The following ANKRD50 variants were observed in gnomAD, a reference collection of about 807,000 sequenced individuals.
ANKRD50 encodes the protein ankyrin repeat domain 50.
A neutral mutation model predicts 112.0 loss-of-function variants in ANKRD50; 40 were observed. The ratio of observed to expected loss-of-function variants is 0.36; its 90% CI spans 0.28 to 0.46. ANKRD50 has a LOEUF of 0.46. Among genes scored for constraint, ANKRD50 ranks in the 20% least tolerant of loss-of-function variants. The probability of loss-of-function intolerance (pLI) is 1.00; values close to 1 mark genes in which losing one functional copy is unlikely to be tolerated. For missense variants in ANKRD50, 1,487 were observed against 1,701.7 expected (o/e 0.87, Z 2.22); for synonymous variants, 613 against 619.1 (o/e 0.99, Z 0.15).
At chr4:124,706,867 T>C (rs1373925724) in intron 2 of ANKRD50, among the ~76,000 whole-genome samples, 1 of 152,130 alleles carries the variant, frequency 6.6e-6, no homozygotes, top group Non-Finnish European at 1.5e-5. Flanking sequence ...AAGTTTATTT[T>C]ATAATGAAGT....
At position 124,670,667 on chromosome 4, in the gene ANKRD50, AC is replaced by A. The variant is rs1249801768; in HGVS notation, c.2609del (p.Gly870ValfsTer17). 6.2e-7 allele frequency: 1 copy of A among 1,613,162 alleles called. No homozygotes were observed. Among genetic ancestry groups the A allele is most frequent in the Non-Finnish European group, 8.5e-7 (1 of 1,179,766 alleles). ...RLICEALIEQ[G>X]ARTNEIDNDG... The stretch of plus-strand genomic sequence containing the variant: ...CATTGTCAATCTCATTTGTTCTAGC[AC>A]CTTGTTCAATAAGTGCTTCACATAT... On this transcript the variant is annotated frameshift_variant, in exon 4 of 5. Transcript: ENST00000504087. LOFTEE classifies it high-confidence loss of function.
At chr4:124,691,602 G>A (rs1295714214) in intron 2 of ANKRD50, among the ~76,000 whole-genome samples, 4 of 150,608 alleles carry the variant, frequency 2.7e-5, no homozygotes, top group East Asian at 1.9e-4. Flanking sequence ...TATGATCAGC[G>A]TAACATTAGT....
chr4:124,710,651 C>T lies in ANKRD50; in HGVS notation c.-140G>A. On this transcript the variant is annotated 5_prime_UTR_variant, in exon 2 of 5. Coordinates refer to ENST00000504087, the MANE Select transcript of ANKRD50 (RefSeq NM_020337.3). ...AGTAAAATTCAACAGCCACAGAGTT[C>T]CTCTGTCAACAGAACGTGCATGACT... The T allele has an allele frequency of 1.0e-6, 1 of 986,930 alleles. No individual in the cohort carries two copies. The highest frequency in any genetic ancestry group is 1.5e-6 in the Non-Finnish European group (1 of 668,242). The allele number at this position is 986,930 out of a possible 1,614,324, so 61.1% of individuals were successfully genotyped here.
intron 2 of ANKRD50, among the ~76,000 whole-genome samples, chr4:124,696,107 C>G (rs1392022019): frequency 2.0e-5 from 3 of 151,708 alleles, no homozygotes; most frequent in African/African-American, 7.3e-5. Context: ...CTAAAATAAC[C>G]ATGACTAATA....
At position 124,669,843 on chromosome 4, in the gene ANKRD50, T is replaced by A; in HGVS notation, c.3434A>T (p.Asp1145Val). ...SNSSGSTGGG[D>V]MQPSLRGLPN... is the part of the protein sequence containing the mutation. Reference sequence around the variant, plus strand: ...TAAACCACGTAACGAAGGCTGCATATCCCCTCCACCAGTACTACCAGAGCT... The same window carrying A: ...TAAACCACGTAACGAAGGCTGCATAACCCCTCCACCAGTACTACCAGAGCT... The change falls in exon 4 of 5, where the codon GAT becomes GTT. Residue 1145 changes from aspartate to valine, a missense_variant. Physicochemically the swap from Asp to Val is radical, Grantham distance 152 (BLOSUM62 -3). Transcript: ENST00000504087. The A allele has an allele frequency of 6.2e-7, 1 of 1,612,750 alleles. No homozygotes were observed. The highest frequency in any genetic ancestry group is 1.1e-5 in the South Asian group (1 of 90,774).
chr4:124,711,846 C>A (rs1207345918), intron 1 of ANKRD50, among the ~76,000 whole-genome samples: 1 of 152,096 alleles, frequency 6.6e-6, no homozygotes, highest in Non-Finnish European at 1.5e-5. Flanking sequence ...TCCTTCCTTC[C>A]TCTGGGCCAA....
Position 124,671,472 on chromosome 4 carries a change from G to A in ANKRD50, c.1805C>T (p.Ala602Val). 1 of 1,613,680 alleles carries A rather than the reference G, an allele frequency of 6.2e-7. No individual in the cohort carries two copies. Among genetic ancestry groups the A allele is most frequent in the Non-Finnish European group, 8.5e-7 (1 of 1,179,816 alleles). ...ATCTTGATCAGTATGATTAATATTT[G>A]CTCCACACCCAATCAAACAATTAAC... ...KVVNCLIGCG[A>V]NINHTDQDGW... Residue 602 changes from alanine to valine, a missense_variant, in exon 4 of 5, where the codon GCA becomes GTA. Ala to Val is a moderately conservative substitution (Grantham distance 64, BLOSUM62 0). This residue lies in a region of ANKRD50 where 1,046 missense variants were observed against 1,269.5 expected (regional missense o/e 0.82). Coordinates refer to ENST00000504087, the MANE Select transcript of ANKRD50 (RefSeq NM_020337.3).
At position 124,672,130 on chromosome 4, in the gene ANKRD50, C is replaced by G. The variant is rs771062034; in HGVS notation, c.1147G>C (p.Glu383Gln). Residue 383 changes from glutamate to glutamine, a missense_variant, in exon 4 of 5, where the codon GAA (glutamate) becomes CAA (glutamine). Glu to Gln is a conservative substitution (Grantham distance 29, BLOSUM62 2). This residue lies in a region of ANKRD50 where 1,046 missense variants were observed against 1,269.5 expected (regional missense o/e 0.82). Transcript: ENST00000504087. ...ATATCTAACTTGCGTTGAAAATCTTCCAAAGTTAACGACATGTTTTTGGTC... is the reference window on the plus strand; with the variant it reads ...ATATCTAACTTGCGTTGAAAATCTTGCAAAGTTAACGACATGTTTTTGGTC... ...VWTKNMSLTLEDFQRKLDILS... is the reference protein window; with the variant it reads ...VWTKNMSLTLQDFQRKLDILS... 1.9e-6 allele frequency: 3 copies of G among 1,613,706 alleles called. No individual in the cohort carries two copies. In the East Asian group the frequency reaches 6.7e-5, roughly 36 times the overall value.
intron 2 of ANKRD50, among the ~76,000 whole-genome samples, chr4:124,706,518 A>T (rs1725505995): frequency 6.6e-6 from 1 of 152,082 alleles, no homozygotes; most frequent in Non-Finnish European, 1.5e-5. Flanking sequence ...AATTAAAGAA[A>T]GCTAAGAAGC....
chr4:124,678,550 C>T, intron 3 of ANKRD50, 126 bp downstream of exon 3: 1 of 797,496 alleles, frequency 1.3e-6, no homozygotes, highest in South Asian at 1.8e-5. Flanking sequence ...TCAAAACGCA[C>T]AATTGAGAAT....
chr4:124,710,067 C>G lies in ANKRD50; in HGVS notation c.445G>C (p.Asp149His), dbSNP rs1255606019. ...TGTAAGAGGCTTTGGACTGCTGGAT[C>G]CCTTAGCTTGTCCTCATATCCTTGG... ...LLQGYEDKLR[D>H]PAVQSLLQPG... The change falls in exon 2 of 5, where the codon GAT becomes CAT. Residue 149 changes from aspartate (D) to histidine (H), a missense_variant. Transcript: ENST00000504087. 6.2e-7 allele frequency: 1 copy of G among 1,614,162 alleles called. No homozygotes were observed. The highest frequency in any genetic ancestry group is 8.5e-7 in the Non-Finnish European group (1 of 1,180,040).
At position 124,671,480 on chromosome 4, in the gene ANKRD50, C is replaced by A. The variant is rs774435001; in HGVS notation, c.1797G>T (p.Gly599=). The A allele has an allele frequency of 1.9e-6, 3 of 1,613,750 alleles. No homozygotes were observed. In the South Asian group the frequency reaches 3.3e-5, roughly 18 times the overall value. The stretch of plus-strand genomic sequence containing the variant: ...CAGTATGATTAATATTTGCTCCACA[C>A]CCAATCAAACAATTAACCACCTTGG... The part of the protein sequence containing the change: ...GHTKVVNCLI[G]CGANINHTDQ... Residue 599 remains glycine, a synonymous_variant, in exon 4 of 5, where the codon GGG becomes GGT. Transcript: ENST00000504087.
At chr4:124,690,941 A>G (rs544848116) in intron 2 of ANKRD50, among the ~76,000 whole-genome samples, 5 of 152,312 alleles carry the variant, frequency 3.3e-5, no homozygotes, top group Non-Finnish European at 7.4e-5. Flanking sequence ...TATACTTTCT[A>G]TTAAATAGTA....
chr4:124,697,775 G>A (rs1163164147), intron 2 of ANKRD50, among the ~76,000 whole-genome samples: 1 of 152,204 alleles, frequency 6.6e-6, no homozygotes, highest in Non-Finnish European at 1.5e-5. Flanking sequence ...AGAAAAAGTT[G>A]CTGGTATAAG....
In ANKRD50 at chr4:124,710,479, T is replaced by C. The variant is rs747719196; in HGVS notation, c.33A>G (p.Lys11=). Residue 11 remains lysine (K), a synonymous_variant, in exon 2 of 5, where the codon AAA becomes AAG. Transcript: ENST00000504087. MTNPWEEKVC[K]MAQTSLLQGK... The stretch of plus-strand genomic sequence containing the variant: ...CTTGCAGTAAACTGGTTTGAGCCAT[T>C]TTGCAGACTTTCTCTTCCCAAGGAT... 2.5e-6 allele frequency: 4 copies of C among 1,613,388 alleles called. No homozygotes were observed. The highest frequency in any genetic ancestry group is 3.4e-6 in the Non-Finnish European group (4 of 1,179,926).
At chr4:124,705,584 CA>C (rs1321155730) in intron 2 of ANKRD50, among the ~76,000 whole-genome samples, 1 of 152,098 alleles carries the variant, frequency 6.6e-6, no homozygotes, top group African/African-American at 2.4e-5. Context: ...TTTAAATCTC[CA>C]AAACGATTTC....
In ANKRD50 at chr4:124,670,428, A is replaced by G. The variant is rs1195128015; in HGVS notation, c.2849T>C (p.Leu950Pro). ...CTGATTTTCTAAGGCCAAGATATAA[A>G]GTGTAGGCCGACCATCAGCATCTTT... ...NCKDADGRPTLYILALENQLT... is the reference protein window; with the variant it reads ...NCKDADGRPTPYILALENQLT... The change falls in exon 4 of 5, where the codon CTT becomes CCT. Residue 950 changes from leucine (L) to proline (P), a missense_variant. Physicochemically the swap from Leu to Pro is moderately conservative, Grantham distance 98. Coordinates refer to ENST00000504087, the MANE Select transcript of ANKRD50 (RefSeq NM_020337.3). 6.2e-7 allele frequency: 1 copy of G among 1,613,864 alleles called. No homozygotes were observed. The highest frequency in any genetic ancestry group is 2.2e-5 in the East Asian group (1 of 44,852).
rs746196733 is a variant in ANKRD50, at chr4:124,710,474, G to A, written c.38C>T (p.Ala13Val). 12 of 1,613,426 alleles carry A rather than the reference G, an allele frequency of 7.4e-6. No individual in the cohort carries two copies. Among genetic ancestry groups the A allele is most frequent in the Admixed American group, 1.7e-5 (1 of 59,988 alleles). ...NPWEEKVCKM[A>V]QTSLLQGKQF... ...CTTCCCTTGCAGTAAACTGGTTTGA[G>A]CCATTTTGCAGACTTTCTCTTCCCA... The change falls in exon 2 of 5, where the codon GCT (alanine) becomes GTT (valine). Residue 13 changes from alanine (A) to valine (V), a missense_variant. This residue lies in a region of ANKRD50 where 1,046 missense variants were observed against 1,269.5 expected (regional missense o/e 0.82). Transcript: ENST00000504087.
At chr4:124,683,154 T>C (rs1724931597) in intron 2 of ANKRD50, among the ~76,000 whole-genome samples, 2 of 151,850 alleles carry the variant, frequency 1.3e-5, no homozygotes, top group South Asian at 2.1e-4. Context: ...TATGTATATA[T>C]TTATACACAC....
Sources: gnomAD v4.1 joint callset for allele counts (sites outside exome capture counted in the v4.1 genomes callset) on GRCh38, gnomAD v4.1.1 for gene constraint, gnomAD v4.1.1 regional missense constraint, MANE v1.5 for transcripts, NCBI Gene and HGNC (gene_info 2026-07-23, HGNC 2026-07-21) for gene names.